Variants in PLCL2 observed in about 807,000 individuals in gnomAD.
PLCL2 encodes the protein inactive phospholipase C-like protein 2.
Under a neutral mutation model 79.6 loss-of-function variants are expected in PLCL2, and 4 were observed. The ratio of observed to expected loss-of-function variants is 0.05; its 90% confidence interval spans 0.02 to 0.11. The LOEUF is 0.11. Among genes scored for constraint, PLCL2 ranks in the 10% least tolerant of loss-of-function variants. The pLI, the probability that PLCL2 is intolerant of heterozygous loss-of-function variation, is 1.00. For synonymous variants in PLCL2, 484 were observed against 457.7 expected, an observed-to-expected ratio of 1.06 and a Z score of -0.73; for missense variants, 895 against 1,291.0, an observed-to-expected ratio of 0.69 and a Z score of 4.70.
chr3:17,033,303 TA>T (rs1190513000), intron 3 of PLCL2, among the ~76,000 whole-genome samples: 1 of 152,168 alleles, frequency 6.6e-6, no homozygotes, highest in Non-Finnish European at 1.5e-5. Flanking sequence ...AAATGATCAT[TA>T]AAATAGTTGA....
chr3:16,954,968 C>T (rs969748454), intron 1 of PLCL2, among the ~76,000 whole-genome samples: 4 of 152,268 alleles, frequency 2.6e-5, no homozygotes, highest in South Asian at 2.1e-4. Context: ...TTCTCCCATT[C>T]TGTAGGTTGC....
chr3:17,011,172 T>G lies in PLCL2; in HGVS notation c.1826T>G (p.Val609Gly). The G allele has an allele frequency of 6.2e-7, 1 of 1,614,210 alleles. No homozygotes were observed. Reference sequence around the variant, plus strand: ...ATGGAGCAACCCAATAATGTGCCTGTGAAGCGATTTCAGCTTTGTAAAGAA... The same window carrying G: ...ATGGAGCAACCCAATAATGTGCCTGGGAAGCGATTTCAGCTTTGTAAAGAA... Reference protein sequence around the residue: ...ENMEQPNNVPVKRFQLCKELS... With the variant: ...ENMEQPNNVPGKRFQLCKELS... The change falls in exon 2 of 6, where the codon GTG (valine) becomes GGG (glycine). Residue 609 changes from valine to glycine, a missense_variant. Val to Gly is a moderately radical substitution (Grantham distance 109). Around this residue, in one of 6 missense-constraint regions of PLCL2, gnomAD observed 242 missense variants for 399.5 expected, o/e 0.61. Coordinates refer to ENST00000615277, the MANE Select transcript of PLCL2 (RefSeq NM_001144382.2). This position sits in a 1 kb window ranked among gnomAD's most constrained non-coding sequence, Gnocchi z 7.9.
At chr3:17,076,092 A>G (rs2065106293) in intron 5 of PLCL2, among the ~76,000 whole-genome samples, 1 of 152,210 alleles carries the variant, frequency 6.6e-6, no homozygotes, top group African/African-American at 2.4e-5. Context: ...AAACTGCCAC[A>G]GTGCTTTAAA....
intron 1 of PLCL2, among the ~76,000 whole-genome samples, chr3:16,981,827 T>C (rs1229700392): frequency 6.6e-6 from 1 of 152,248 alleles, no homozygotes; most frequent in Non-Finnish European, 1.5e-5. Context: ...CCCTGTGTAT[T>C]GCCATTTGTG....
intron 3 of PLCL2, among the ~76,000 whole-genome samples, chr3:17,022,233 C>A (rs1232749383): frequency 6.6e-6 from 1 of 152,126 alleles, no homozygotes; most frequent in Non-Finnish European, 1.5e-5. Flanking sequence ...CTATGCTTTA[C>A]GCAAAAGAAT....
At chr3:17,077,278 C>G (rs1461150138) in intron 5 of PLCL2, among the ~76,000 whole-genome samples, 1 of 152,214 alleles carries the variant, frequency 6.6e-6, no homozygotes, top group Non-Finnish European at 1.5e-5. Context: ...TCCAACTTTT[C>G]CTGTGTCATT....
rs746324752 is a variant in PLCL2 at position 17,035,742 on chromosome 3, C to T, written c.3019-7132C>T. 1.7e-5 allele frequency: 9 copies of T among 515,142 alleles called. No individual in the cohort carries two copies. The East Asian group carries it at 5.0e-4, about 29-fold the overall frequency. 31.9% of individuals were successfully genotyped at this position (515,142 alleles called of 1,614,324 possible). ...ATCTTATCCAATCTGGCCCTCACTC[C>T]TCTTCTATCCATGTTTCCTTACATT... On this transcript the variant is annotated intron_variant, in intron 3 of 5. Coordinates refer to ENST00000615277, the MANE Select transcript of PLCL2 (RefSeq NM_001144382.2).
intron 5 of PLCL2, among the ~76,000 whole-genome samples, chr3:17,072,317 G>C (rs2065067345): frequency 6.6e-6 from 1 of 152,012 alleles, no homozygotes; most frequent in Non-Finnish European, 1.5e-5. Context: ...CATTTTGCTG[G>C]GTATTTTTAA....
chr3:17,054,473 A>G (rs191101623), intron 4 of PLCL2, among the ~76,000 whole-genome samples: 7 of 152,224 alleles, frequency 4.6e-5, no homozygotes, highest in Admixed American at 3.9e-4. Context: ...TCTTCAAGCA[A>G]TGCCCTGCTT....
chr3:16,929,329 CCTT>C (rs1485370926), intron 1 of PLCL2, among the ~76,000 whole-genome samples: 1 of 152,020 alleles, frequency 6.6e-6, no homozygotes, highest in Non-Finnish European at 1.5e-5. Flanking sequence ...ACCATTTTGA[CCTT>C]CTCTCCATAA....
chr3:16,894,765 T>C (rs1307780275), intron 1 of PLCL2, among the ~76,000 whole-genome samples: 1 of 152,148 alleles, frequency 6.6e-6, no homozygotes, highest in Non-Finnish European at 1.5e-5. Flanking sequence ...TGAAAATGCT[T>C]GTTCAAGTCT....
At chr3:17,015,126 T>C (rs1209185876) in intron 3 of PLCL2, among the ~76,000 whole-genome samples, 1 of 152,228 alleles carries the variant, frequency 6.6e-6, no homozygotes, top group Non-Finnish European at 1.5e-5. Flanking sequence ...CTCACCTCAG[T>C]TGGATTAAAC....
intron 5 of PLCL2, among the ~76,000 whole-genome samples, chr3:17,087,740 A>T (rs1248460672): frequency 2.0e-5 from 3 of 152,184 alleles, no homozygotes; most frequent in Non-Finnish European, 2.9e-5. Flanking sequence ...AGGTTTGCGT[A>T]GGGAGGGAGC....
chr3:16,946,039 T>A (rs2063597107), intron 1 of PLCL2, among the ~76,000 whole-genome samples: 1 of 152,208 alleles, frequency 6.6e-6, no homozygotes, highest in Non-Finnish European at 1.5e-5. Flanking sequence ...TGGCGGTCCA[T>A]AAACATTAAT....
chr3:16,930,454 A>T (rs1191063493), intron 1 of PLCL2, among the ~76,000 whole-genome samples: 1 of 152,200 alleles, frequency 6.6e-6, no homozygotes, highest in Non-Finnish European at 1.5e-5. Flanking sequence ...CTATAGTCCA[A>T]CCAATGTATG....
At position 17,017,640 on chromosome 3, in the gene PLCL2, T is replaced by C. The variant is rs147363160; in HGVS notation, c.3018+2729T>C. 2.2e-4 allele frequency among the ~76,000 whole-genome samples: 33 copies of C among 152,292 alleles called. No individual in the cohort carries two copies. In the East Asian group the frequency reaches 6.4e-3, roughly 29 times the overall value. ...CTTATTTCATTCTGTTGACTTCCCATGTATAATGTATGGAGGCGAATGAGA... is the reference window on the plus strand; with the variant it reads ...CTTATTTCATTCTGTTGACTTCCCACGTATAATGTATGGAGGCGAATGAGA... On this transcript the variant is annotated intron_variant, in intron 3 of 5. Transcript: ENST00000615277.
chr3:17,087,645 G>T (rs115625680), intron 5 of PLCL2, among the ~76,000 whole-genome samples: 2,169 of 152,210 alleles, frequency 0.014, 64 homozygotes, highest in African/African-American at 0.05. Flanking sequence ...CCTAATTTAG[G>T]CAATAGACTT....
chr3:17,060,013 C>T (rs1345899392), intron 4 of PLCL2, among the ~76,000 whole-genome samples: 1 of 151,598 alleles, frequency 6.6e-6, no homozygotes. Flanking sequence ...TCTAACAGAA[C>T]TCCTCTGTGC....
At chr3:17,054,868 C>T (rs1325711314) in intron 4 of PLCL2, among the ~76,000 whole-genome samples, 1 of 152,162 alleles carries the variant, frequency 6.6e-6, no homozygotes, top group Non-Finnish European at 1.5e-5. Context: ...GACCCATGTT[C>T]TGGTGCCCTC....
Sources: gnomAD v4.1 joint callset for allele counts (sites outside exome capture counted in the v4.1 genomes callset) on GRCh38, gnomAD v4.1.1 for gene constraint, gnomAD v4.1.1 regional missense constraint, Gnocchi (gnomAD v3.1) non-coding constraint, MANE v1.5 for transcripts, NCBI Gene and HGNC (gene_info 2026-07-23, HGNC 2026-07-21) for gene names.